SH3BP5: variants seen among roughly 807,000 people sequenced by gnomAD.
SH3BP5 encodes the protein SH3 domain-binding protein 5.
SH3BP5 carries 22 observed loss-of-function variants against 43.3 expected under a neutral mutation model. The ratio of observed to expected loss-of-function variants is 0.51; its 90% CI spans 0.36 to 0.73. The LOEUF (loss-of-function observed/expected upper bound fraction) is 0.73, where lower values mean the gene tolerates loss of function less well. Among genes scored for constraint, SH3BP5 ranks in the 30% least tolerant of loss-of-function variants. The pLI, the probability that SH3BP5 is intolerant of heterozygous loss-of-function variation, is 0.00. For synonymous variants in SH3BP5, 255 were observed against 225.8 expected (o/e 1.13, Z -1.16); for missense variants, 529 against 586.9 (o/e 0.90, Z 1.02).
chr3:15,271,957 G>A (rs576707166), intron 3 of SH3BP5, among the ~76,000 whole-genome samples: 28 of 151,996 alleles, frequency 1.8e-4, no homozygotes, highest in African/African-American at 5.8e-4. Flanking sequence ...ACCCTCCCTC[G>A]TCCCACCACC....
intron 3 of SH3BP5, among the ~76,000 whole-genome samples, chr3:15,296,054 T>A (rs1697560346): frequency 6.6e-6 from 1 of 152,210 alleles, no homozygotes; most frequent in East Asian, 1.9e-4. Context: ...CCAGAGGCTC[T>A]CAGGAACCTA....
chr3:15,294,938 A>G (rs963467402), intron 3 of SH3BP5, among the ~76,000 whole-genome samples: 1 of 151,902 alleles, frequency 6.6e-6, no homozygotes, highest in African/African-American at 2.4e-5. Flanking sequence ...TCCTTACCCA[A>G]GTTCATATCT....
At chr3:15,289,672 T>C (rs1697358099) in intron 3 of SH3BP5, among the ~76,000 whole-genome samples, 1 of 152,224 alleles carries the variant, frequency 6.6e-6, no homozygotes, top group Non-Finnish European at 1.5e-5. Context: ...ACAATGTAGA[T>C]TTCAAAATTT....
chr3:15,309,908 C>G lies in SH3BP5; in HGVS notation c.202-5677G>C, dbSNP rs1030036520. On this transcript the variant is annotated intron_variant, in intron 2 of 8. Coordinates refer to ENST00000383791, the MANE Select transcript of SH3BP5 (RefSeq NM_004844.5). ...ACAAAGCCAGTCTTCCCCGCTCCAC[C>G]CCCCCCCCATAAGAAAAAGCCCACC... Among the ~76,000 whole-genome samples, 7 of 93,712 alleles carry G rather than the reference C, an allele frequency of 7.5e-5. No individual in the cohort carries two copies. In the East Asian group the frequency reaches 1.4e-3, roughly 18 times the overall value. The allele number at this position is 93,712 out of a possible 152,430, so 61.5% of individuals were successfully genotyped here.
intron 4 of SH3BP5, among the ~76,000 whole-genome samples, chr3:15,268,809 T>C (rs1429459446): frequency 2.0e-5 from 3 of 152,092 alleles, no homozygotes; most frequent in Non-Finnish European, 2.9e-5. Context: ...TGGGAAGTGA[T>C]GAGGTAATGA....
chr3:15,272,044 G>C (rs867970963), intron 3 of SH3BP5, among the ~76,000 whole-genome samples: 1 of 152,134 alleles, frequency 6.6e-6, no homozygotes, highest in Non-Finnish European at 1.5e-5. Flanking sequence ...CCTGGGACTC[G>C]GGAAGAGGGG....
rs949501913 is a variant in SH3BP5 at position 15,330,388 on chromosome 3, A to G, written c.201+116T>C. 8 of 826,284 alleles carry G rather than the reference A, an allele frequency of 9.7e-6. No individual in the cohort carries two copies. The Admixed American group carries it at 9.8e-5, about 10-fold the overall frequency. The allele number at this position is 826,284 out of a possible 1,614,324, so 51.2% of individuals were successfully genotyped here. ...TATTCTGTCAGGGAGCTGTTGCTCA[A>G]CTCCCAAGGAGGGGGGTCCAGCAAT... On this transcript the variant is annotated intron_variant, in intron 2 of 8. Transcript: ENST00000383791.
At chr3:15,311,374 C>A (rs1698053316) in intron 2 of SH3BP5, among the ~76,000 whole-genome samples, 1 of 151,998 alleles carries the variant, frequency 6.6e-6, no homozygotes, top group South Asian at 2.1e-4. Flanking sequence ...ACCAGCCTGG[C>A]CAACATGGCA....
intron 3 of SH3BP5, among the ~76,000 whole-genome samples, chr3:15,299,810 GGATA>G (rs144310997): frequency 0.16 from 23,531 of 151,730 alleles, 3,124 homozygotes; most frequent in African/African-American, 0.37. Flanking sequence ...ATATTCCAGT[GGATA>G]GATAGACATG....
intron 3 of SH3BP5, among the ~76,000 whole-genome samples, chr3:15,286,701 A>C (rs1305982206): frequency 6.6e-6 from 1 of 152,154 alleles, no homozygotes; most frequent in African/African-American, 2.4e-5. Context: ...CTACAGGAGC[A>C]CACCAACATG....
chr3:15,279,381 A>C (rs1184491313), intron 3 of SH3BP5, among the ~76,000 whole-genome samples: 2 of 152,200 alleles, frequency 1.3e-5, no homozygotes, highest in African/African-American at 4.8e-5. Context: ...GGCAGTCTTA[A>C]GAGAGACAGC....
chr3:15,272,962 G>A (rs1452115261), intron 3 of SH3BP5, among the ~76,000 whole-genome samples: 3 of 145,448 alleles, frequency 2.1e-5, no homozygotes, highest in East Asian at 2.0e-4. Flanking sequence ...GCCCCACCTC[G>A]TGCCTCCAGG....
At chr3:15,259,160 T>C in intron 6 of SH3BP5, 110 bp from the exon 7 acceptor site, 2 of 865,188 alleles carry the variant, frequency 2.3e-6, no homozygotes, top group Non-Finnish European at 3.7e-6. Context: ...TTCAAGGAAT[T>C]TTCCAAGACA....
upstream of SH3BP5, among the ~76,000 whole-genome samples, chr3:15,336,878 C>A (rs1256168681): frequency 2.0e-5 from 3 of 152,068 alleles, no homozygotes; most frequent in Non-Finnish European, 4.4e-5. Context: ...ATTCCATTGT[C>A]CATCATTAAA....
chr3:15,263,449 A>G (rs1696525653), intron 4 of SH3BP5, among the ~76,000 whole-genome samples: 1 of 152,254 alleles, frequency 6.6e-6, no homozygotes, highest in Admixed American at 6.5e-5. Context: ...TTGGCTGTGC[A>G]CAGAAGAACT....
At chr3:15,283,018 C>T (rs1454272911) in intron 3 of SH3BP5, among the ~76,000 whole-genome samples, 1 of 152,254 alleles carries the variant, frequency 6.6e-6, no homozygotes, top group South Asian at 2.1e-4. Flanking sequence ...CTCAAGAAAA[C>T]GCTTACTAAA....
intron 1 of SH3BP5, among the ~76,000 whole-genome samples, chr3:15,331,159 A>T (rs549284051): frequency 8.5e-5 from 13 of 152,366 alleles, no homozygotes; most frequent in African/African-American, 3.1e-4. Flanking sequence ...ACATGAACTT[A>T]ACTCATCATT....
intron 3 of SH3BP5, among the ~76,000 whole-genome samples, chr3:15,289,353 A>C (rs1407887379): frequency 6.6e-6 from 1 of 152,244 alleles, no homozygotes; most frequent in African/African-American, 2.4e-5. Flanking sequence ...TAGAAGGGAC[A>C]TATATCCCTT....
At chr3:15,322,956 T>C (rs975124343) in intron 2 of SH3BP5, among the ~76,000 whole-genome samples, 21 of 151,606 alleles carry the variant, frequency 1.4e-4, no homozygotes, top group African/African-American at 5.1e-4. Context: ...CTGACCAACA[T>C]GGCAAAACCC....
Sources: gnomAD v4.1 joint callset for allele counts (sites outside exome capture counted in the v4.1 genomes callset) on GRCh38, gnomAD v4.1.1 for gene constraint, MANE v1.5 for transcripts, NCBI Gene and HGNC (gene_info 2026-07-23, HGNC 2026-07-21) for gene names.